Variants in DMD observed in about 807,000 individuals in gnomAD.
The protein encoded by DMD is mutant dystrophin.
In DMD, 63 loss-of-function variants were observed where a neutral mutation model predicts 330.1. That is an observed-to-expected ratio of 0.19 (90% CI 0.16 to 0.24). DMD has a LOEUF of 0.24. Ranked by LOEUF, DMD falls within the 10% of genes least tolerant of loss-of-function variation. DMD has a pLI of 1.00. For synonymous variants in DMD, 1,223 were observed against 959.8 expected (o/e 1.27, Z -5.07); for missense variants, 3,344 against 2,684.1 (o/e 1.25, Z -5.43).
chrX:32,977,107 C>T lies in DMD; in HGVS notation c.93+43032G>A, dbSNP rs759528609. ...AGGAGTTTGAGACCAGCCTGGCCAA[C>T]GTGGCAAAACCCCATCTCCACTGTT... On this transcript the variant is annotated intron_variant, in intron 2 of 78. Coordinates refer to ENST00000357033, the MANE Select transcript of DMD (RefSeq NM_004006.3). 1.4e-4 allele frequency among the ~76,000 whole-genome samples: 15 copies of T among 110,804 alleles called. 1 individual carries two copies. The highest frequency in any genetic ancestry group is 3.9e-4 in the African/African-American group (12 of 30,501).
intron 1 of DMD, among the ~76,000 whole-genome samples, chrX:33,032,035 T>C (rs749715907): frequency 1.2e-4 from 13 of 111,867 alleles, no homozygotes; most frequent in Non-Finnish European, 2.4e-4. Flanking sequence ...GTTTACATTA[T>C]TTGCTCATCG....
intron 7 of DMD, among the ~76,000 whole-genome samples, chrX:32,732,584 C>T (rs2067848569): frequency 9.0e-6 from 1 of 111,447 alleles, no homozygotes; most frequent in African/African-American, 3.3e-5. Context: ...CCCTACAAGC[C>T]AGAAGAGAGT....
At chrX:33,056,351 T>G (rs911278848) in intron 1 of DMD, among the ~76,000 whole-genome samples, 1 of 109,698 alleles carries the variant, frequency 9.1e-6, no homozygotes, top group African/African-American at 3.3e-5. Flanking sequence ...TTTTTTTTCT[T>G]TTTCTTTTCT....
At chrX:32,309,665 T>A (rs2097554054) in intron 42 of DMD, among the ~76,000 whole-genome samples, 1 of 111,327 alleles carries the variant, frequency 9.0e-6, no homozygotes, top group Non-Finnish European at 1.9e-5. Flanking sequence ...ATTGAATATG[T>A]ATACATAAAA....
intron 37 of DMD, among the ~76,000 whole-genome samples, chrX:32,357,869 T>A (rs896410233): frequency 9.0e-6 from 1 of 110,786 alleles, no homozygotes; most frequent in Non-Finnish European, 1.9e-5. Flanking sequence ...TCACTCTTCA[T>A]TGAACACACT....
rs959145602 is a variant in DMD, at chrX:32,544,792, A to T, written c.2168+367T>A. Reference sequence around the variant, plus strand: ...AAAATGCACTTTCCGTTACTGGAAAAAAAAGACATTTAATGCAAAACTAGG... The same window carrying T: ...AAAATGCACTTTCCGTTACTGGAAATAAAAGACATTTAATGCAAAACTAGG... On this transcript the variant is annotated intron_variant, in intron 17 of 78. Coordinates refer to ENST00000357033, the MANE Select transcript of DMD (RefSeq NM_004006.3). Among the ~76,000 whole-genome samples the T allele has an allele frequency of 4.6e-5, 5 of 109,738 alleles. No individual in the cohort carries two copies. The Admixed American group carries it at 4.9e-4, about 11-fold the overall frequency.
intron 44 of DMD, among the ~76,000 whole-genome samples, chrX:32,005,171 T>C (rs1345777714): frequency 8.9e-6 from 1 of 112,021 alleles, no homozygotes; most frequent in African/African-American, 3.2e-5. Flanking sequence ...GATCTTACCT[T>C]ATCTCCCAGA....
At chrX:31,654,716 C>G in intron 54 of DMD, among the ~76,000 whole-genome samples, 1 of 110,975 alleles carries the variant, frequency 9.0e-6, no homozygotes, top group African/African-American at 3.3e-5. Flanking sequence ...GATGAGAACA[C>G]ATGGACACGT....
chrX:31,587,365 G>A (rs1338545884), intron 55 of DMD, among the ~76,000 whole-genome samples: 1 of 111,953 alleles, frequency 8.9e-6, no homozygotes, highest in Non-Finnish European at 1.9e-5. Context: ...GTGAGGTAAT[G>A]CATACGATAA....
At chrX:31,395,780 T>G (rs2060893814) in intron 60 of DMD, among the ~76,000 whole-genome samples, 1 of 111,557 alleles carries the variant, frequency 9.0e-6, no homozygotes, top group South Asian at 3.7e-4. Context: ...ATATTGGAGA[T>G]AAATAAAACT....
At chrX:31,959,110 T>G (rs2095275258) in intron 45 of DMD, among the ~76,000 whole-genome samples, 1 of 111,901 alleles carries the variant, frequency 8.9e-6, no homozygotes. Flanking sequence ...CTGTCAGGTT[T>G]TTAAAGTTCT....
At chrX:32,547,567 A>G (rs752601814) in intron 16 of DMD, among the ~76,000 whole-genome samples, 6 of 111,383 alleles carry the variant, frequency 5.4e-5, no homozygotes, top group Non-Finnish European at 1.1e-4. Flanking sequence ...AACTCATTAC[A>G]TATAACAAAT....
intron 7 of DMD, among the ~76,000 whole-genome samples, chrX:32,725,701 G>T (rs778576022): frequency 9.0e-6 from 1 of 111,169 alleles, no homozygotes; most frequent in Non-Finnish European, 1.9e-5. Flanking sequence ...AGGGTACTAG[G>T]GGGTGGAGGT....
chrX:31,142,740 G>A (rs2036221752), intron 76 of DMD, among the ~76,000 whole-genome samples: 1 of 112,102 alleles, frequency 8.9e-6, no homozygotes, highest in South Asian at 3.7e-4. Flanking sequence ...TTTGTATATG[G>A]AGCCCATGAG....
intron 43 of DMD, among the ~76,000 whole-genome samples, chrX:32,246,857 C>T (rs752420917): frequency 1.8e-5 from 2 of 110,908 alleles, no homozygotes; most frequent in East Asian, 5.7e-4. Flanking sequence ...TGGCTCACAA[C>T]CAGCACCACC....
At chrX:32,770,546 G>A (rs747015413) in intron 7 of DMD, among the ~76,000 whole-genome samples, 20 of 111,191 alleles carry the variant, frequency 1.8e-4, no homozygotes, top group South Asian at 7.6e-4. Context: ...ATTTGAGGGC[G>A]CTAATTTTGA....
At chrX:33,265,178 T>C (rs923650038) in intron 1 of DMD, among the ~76,000 whole-genome samples, 8 of 110,294 alleles carry the variant, frequency 7.3e-5, no homozygotes, top group Non-Finnish European at 1.1e-4. Flanking sequence ...TAAAGAACTG[T>C]AGACTTGGCA....
chrX:32,860,459 C>A (rs954560162), intron 2 of DMD, among the ~76,000 whole-genome samples: 1 of 111,781 alleles, frequency 8.9e-6, no homozygotes, highest in Non-Finnish European at 1.9e-5. Flanking sequence ...CCAAAAATAT[C>A]GCAAATACCA....
intron 50 of DMD, among the ~76,000 whole-genome samples, chrX:31,801,194 C>A (rs768196361): frequency 1.4e-3 from 151 of 111,553 alleles, no homozygotes; most frequent in African/African-American, 4.9e-3. Context: ...CAGAGGCCTC[C>A]GGAAACTTAC....
Sources: allele counts gnomAD v4.1 joint callset (sites outside exome capture counted in the v4.1 genomes callset), GRCh38; gene constraint gnomAD v4.1.1; transcripts MANE v1.5; gene names NCBI Gene and HGNC (gene_info 2026-07-23, HGNC 2026-07-21).